The following SMYD3 variants were observed in gnomAD, a reference collection of about 807,000 sequenced individuals.
The protein encoded by SMYD3 is histone-lysine N-methyltransferase SMYD3.
A neutral mutation model predicts 57.7 loss-of-function variants in SMYD3; 36 were observed. The observed-to-expected ratio is 0.62, with a 90% CI of 0.48 to 0.82. The LOEUF is 0.82. Among genes scored for constraint, SMYD3 ranks in the 40% least tolerant of loss-of-function variants. The probability of loss-of-function intolerance (pLI) is 0.00; values close to 1 mark genes in which losing one functional copy is unlikely to be tolerated. For missense variants in SMYD3, 515 were observed against 538.8 expected (o/e 0.96, Z 0.44); for synonymous variants, 211 against 195.0 (o/e 1.08, Z -0.68).
At chr1:246,445,919 G>C (rs2067545712) in intron 1 of SMYD3, among the ~76,000 whole-genome samples, 1 of 150,886 alleles carries the variant, frequency 6.6e-6, no homozygotes, top group South Asian at 2.1e-4. Flanking sequence ...TAAAAAGCAA[G>C]GCATTACTGT....
chr1:245,991,263 G>A (rs1422602182), intron 5 of SMYD3, among the ~76,000 whole-genome samples: 1 of 152,148 alleles, frequency 6.6e-6, no homozygotes. Context: ...AGCCAGGGCA[G>A]GTGTGGAAAA....
At chr1:246,492,118 G>A (rs2103069608) in intron 1 of SMYD3, among the ~76,000 whole-genome samples, 1 of 152,262 alleles carries the variant, frequency 6.6e-6, no homozygotes, top group East Asian at 1.9e-4. Flanking sequence ...TGAGTGGATA[G>A]CATCCAACTG....
At chr1:246,402,461 A>T (rs2066789062) in intron 1 of SMYD3, among the ~76,000 whole-genome samples, 1 of 151,562 alleles carries the variant, frequency 6.6e-6, no homozygotes. Context: ...ACTAAATAGA[A>T]GGGTTAGAGA....
At chr1:246,392,372 A>C (rs553412527) in intron 1 of SMYD3, among the ~76,000 whole-genome samples, 2 of 152,226 alleles carry the variant, frequency 1.3e-5, no homozygotes, top group East Asian at 3.9e-4. Flanking sequence ...TGAGAGGAGC[A>C]CTCACTATGT....
chr1:246,403,453 T>C (rs1004473499), intron 1 of SMYD3, among the ~76,000 whole-genome samples: 1 of 152,188 alleles, frequency 6.6e-6, no homozygotes, highest in Non-Finnish European at 1.5e-5. Context: ...TTAGTGATGG[T>C]TGCACATACC....
intron 6 of SMYD3, among the ~76,000 whole-genome samples, chr1:245,929,492 T>C (rs1437480137): frequency 6.6e-6 from 1 of 152,144 alleles, no homozygotes; most frequent in Non-Finnish European, 1.5e-5. Context: ...AAAGACAACA[T>C]GAACCCAACT....
chr1:246,051,622 T>C (rs561894520), intron 5 of SMYD3, among the ~76,000 whole-genome samples: 6 of 150,830 alleles, frequency 4.0e-5, no homozygotes, highest in Non-Finnish European at 7.4e-5. Flanking sequence ...AATTAAACTG[T>C]AGGCCATAAA....
intron 5 of SMYD3, among the ~76,000 whole-genome samples, chr1:246,010,559 A>C (rs2148190743): frequency 6.6e-6 from 1 of 152,308 alleles, no homozygotes; most frequent in African/African-American, 2.4e-5. Context: ...ATCTGAGTGC[A>C]TTTTTGGCAA....
At chr1:246,413,242 C>T (rs2067005633) in intron 1 of SMYD3, among the ~76,000 whole-genome samples, 1 of 152,082 alleles carries the variant, frequency 6.6e-6, no homozygotes, top group Non-Finnish European at 1.5e-5. Context: ...AAATTGGGCA[C>T]AGAAAGAAAG....
At chr1:246,442,894 C>T (rs1027377807) in intron 1 of SMYD3, among the ~76,000 whole-genome samples, 3 of 152,076 alleles carry the variant, frequency 2.0e-5, no homozygotes, top group African/African-American at 7.2e-5. Flanking sequence ...GTTAGTTCTT[C>T]CACACTGTGC....
intron 11 of SMYD3, among the ~76,000 whole-genome samples, chr1:245,753,647 C>T (rs1004340949): frequency 3.3e-5 from 5 of 150,408 alleles, no homozygotes. Context: ...CAGTCCTCAA[C>T]GATGTACGGA....
At chr1:246,502,312 A>G (rs1456661100) in intron 1 of SMYD3, among the ~76,000 whole-genome samples, 1 of 151,872 alleles carries the variant, frequency 6.6e-6, no homozygotes, top group Non-Finnish European at 1.5e-5. Flanking sequence ...TTGTATTTTT[A>G]GTAGAGACAG....
At chr1:246,222,859 A>G (rs1167069319) in intron 5 of SMYD3, among the ~76,000 whole-genome samples, 3 of 152,192 alleles carry the variant, frequency 2.0e-5, no homozygotes, top group Non-Finnish European at 4.4e-5. Context: ...GTTGTCCTAC[A>G]GTAATAATCA....
At chr1:246,241,204 TTCAG>T (rs1251492989) in intron 5 of SMYD3, among the ~76,000 whole-genome samples, 1 of 152,206 alleles carries the variant, frequency 6.6e-6, no homozygotes, top group African/African-American at 2.4e-5. Flanking sequence ...TTTTTGCCCA[TTCAG>T]TATGATACTG....
chr1:246,483,359 C>T (rs1244432305), intron 1 of SMYD3: 1 of 152,118 alleles, frequency 6.6e-6, no homozygotes, highest in African/African-American at 2.4e-5. Context: ...CATTAAGACA[C>T]CCAGAGTATC....
intron 5 of SMYD3, among the ~76,000 whole-genome samples, chr1:246,185,463 TTTTTTTTTTG>T (rs1431276623): frequency 1.9e-5 from 2 of 106,326 alleles, no homozygotes. Context: ...TTTTTTTTTT[TTTTTTTTTTG>T]AGACGGAGTT....
chr1:246,071,152 TGTAA>T (rs750269351), intron 5 of SMYD3, among the ~76,000 whole-genome samples: 8 of 152,234 alleles, frequency 5.3e-5, no homozygotes, highest in Non-Finnish European at 1.0e-4. Context: ...ATCTAAGATG[TGTAA>T]GTAAGTAAAA....
intron 5 of SMYD3, among the ~76,000 whole-genome samples, chr1:246,264,309 AC>A (rs2064064996): frequency 6.6e-6 from 1 of 152,244 alleles, no homozygotes; most frequent in Non-Finnish European, 1.5e-5. Flanking sequence ...GTAAAAAGGA[AC>A]AAAGCATAAG....
intron 1 of SMYD3, among the ~76,000 whole-genome samples, chr1:246,387,464 T>G (rs1033466672): frequency 2.6e-5 from 4 of 152,248 alleles, no homozygotes; most frequent in African/African-American, 9.6e-5. Flanking sequence ...TAACATTTAT[T>G]CATCCCACAG....
Sources: allele counts gnomAD v4.1 joint callset (sites outside exome capture counted in the v4.1 genomes callset), GRCh38; gene constraint gnomAD v4.1.1; transcripts MANE v1.5; gene names NCBI Gene and HGNC (gene_info 2026-07-23, HGNC 2026-07-21).